ELMO1: variants seen among roughly 807,000 people sequenced by gnomAD.
The protein encoded by ELMO1 is engulfment and cell motility protein 1.
A neutral mutation model predicts 98.9 loss-of-function variants in ELMO1; 26 were observed. That is an observed-to-expected ratio of 0.26 (90% confidence interval 0.19 to 0.36). ELMO1 has a LOEUF of 0.36. Among genes scored for constraint, ELMO1 ranks in the 10% least tolerant of loss-of-function variants. The pLI is 1.00. For missense variants in ELMO1, 627 were observed against 935.2 expected (o/e 0.67, Z 4.30); for synonymous variants, 346 against 346.0 (o/e 1.00, Z 0.00).
chr7:37,141,013 C>T (rs1330560515), intron 13 of ELMO1, among the ~76,000 whole-genome samples: 1 of 152,126 alleles, frequency 6.6e-6, no homozygotes, highest in African/African-American at 2.4e-5. Context: ...CCATTTGATC[C>T]AGCAATCCCA....
At chr7:37,336,807 A>G (rs1278969153) in intron 2 of ELMO1, among the ~76,000 whole-genome samples, 2 of 152,218 alleles carry the variant, frequency 1.3e-5, no homozygotes, top group Admixed American at 6.5e-5. Flanking sequence ...TAAGCATGGA[A>G]CAACATAGAT....
At chr7:37,214,613 G>C (rs977482979) in intron 11 of ELMO1, among the ~76,000 whole-genome samples, 5 of 152,176 alleles carry the variant, frequency 3.3e-5, no homozygotes, top group African/African-American at 1.2e-4. Context: ...AAAGAGGACA[G>C]GGAGGAATGA....
At chr7:37,266,843 T>C (rs751204782) in intron 5 of ELMO1, among the ~76,000 whole-genome samples, 12 of 151,772 alleles carry the variant, frequency 7.9e-5, no homozygotes, top group Non-Finnish European at 1.2e-4. Flanking sequence ...GGAAACCCCA[T>C]CTCTACTAAA....
At chr7:37,161,904 A>AT (rs1789228083) in intron 13 of ELMO1, among the ~76,000 whole-genome samples, 2 of 72,886 alleles carry the variant, frequency 2.7e-5, no homozygotes, top group Non-Finnish European at 5.3e-5. Context: ...TCAGGTAATC[A>AT]AATATATATA....
chr7:37,285,012 T>C (rs1797320224), intron 4 of ELMO1, among the ~76,000 whole-genome samples: 2 of 152,198 alleles, frequency 1.3e-5, no homozygotes, highest in African/African-American at 4.8e-5. Flanking sequence ...CTGCTCTCCC[T>C]ACCAGGGACT....
intron 13 of ELMO1, among the ~76,000 whole-genome samples, chr7:37,203,797 G>A (rs1034721368): frequency 3.3e-5 from 5 of 152,102 alleles, no homozygotes; most frequent in Non-Finnish European, 5.9e-5. Flanking sequence ...TGAGAGTTCT[G>A]CTCATGGCTG....
intron 14 of ELMO1, among the ~76,000 whole-genome samples, chr7:37,120,598 A>T (rs1350170667): frequency 6.6e-6 from 1 of 152,198 alleles, no homozygotes; most frequent in East Asian, 1.9e-4. Flanking sequence ...GCCATTGCTG[A>T]GGCTTGAGTA....
intron 10 of ELMO1, among the ~76,000 whole-genome samples, chr7:37,218,965 G>T (rs1793444686): frequency 6.6e-6 from 1 of 152,216 alleles, no homozygotes; most frequent in Non-Finnish European, 1.5e-5. Flanking sequence ...ATTTGGAAGG[G>T]ATCTCACCAA....
chr7:37,131,625 T>TAGTA (rs1421124658), intron 14 of ELMO1, among the ~76,000 whole-genome samples: 4 of 152,330 alleles, frequency 2.6e-5, no homozygotes, highest in African/African-American at 9.6e-5. Context: ...CTCAAAAATA[T>TAGTA]TAATTTACTT....
At chr7:37,075,645 T>C (rs1206540518) in intron 15 of ELMO1, among the ~76,000 whole-genome samples, 2 of 152,152 alleles carry the variant, frequency 1.3e-5, no homozygotes, top group Non-Finnish European at 2.9e-5. Flanking sequence ...CTCCTTCTTA[T>C]ATGCACATAG....
At chr7:37,205,342 G>A (rs2130361101) in intron 13 of ELMO1, among the ~76,000 whole-genome samples, 1 of 152,268 alleles carries the variant, frequency 6.6e-6, no homozygotes, top group Middle Eastern at 3.4e-3. Context: ...TTGCCAACCA[G>A]TGAATATATA....
At chr7:37,011,898 A>G (rs2129171805) in intron 16 of ELMO1, among the ~76,000 whole-genome samples, 1 of 152,332 alleles carries the variant, frequency 6.6e-6, no homozygotes, top group South Asian at 2.1e-4. Flanking sequence ...AGTCTCTCAC[A>G]ATCAAGCGAA....
rs150538834 is a variant in ELMO1, at chr7:37,062,651, G to A, written c.1300+33968C>T. 5.2e-3 allele frequency among the ~76,000 whole-genome samples: 797 copies of A among 152,308 alleles called. 7 individuals carry two copies. Among genetic ancestry groups the A allele is most frequent in the African/African-American group, 0.019 (773 of 41,564 alleles). The stretch of plus-strand genomic sequence containing the variant: ...CTTATGTCACTTTAGCGTCACTGTT[G>A]ATGTGTTAAATGTACAAAAGCCAGG... On this transcript the variant is annotated intron_variant, in intron 15 of 21. Coordinates refer to ENST00000310758, the MANE Select transcript of ELMO1 (RefSeq NM_014800.11).
intron 15 of ELMO1, among the ~76,000 whole-genome samples, chr7:37,051,336 G>A (rs1182389933): frequency 6.6e-6 from 1 of 152,084 alleles, no homozygotes; most frequent in Non-Finnish European, 1.5e-5. Context: ...TCAATAAATG[G>A]GCTGCTTCTT....
intron 16 of ELMO1, among the ~76,000 whole-genome samples, chr7:37,006,464 C>G (rs1400594190): frequency 6.6e-6 from 1 of 152,208 alleles, no homozygotes; most frequent in African/African-American, 2.4e-5. Context: ...CAAGGTCACA[C>G]TGCTGTGAGG....
chr7:37,324,302 GT>G (rs1156569070), intron 2 of ELMO1, among the ~76,000 whole-genome samples: 2 of 152,122 alleles, frequency 1.3e-5, no homozygotes, highest in African/African-American at 2.4e-5. Flanking sequence ...CCCAGCCAAT[GT>G]GCCCACACAC....
intron 15 of ELMO1, among the ~76,000 whole-genome samples, chr7:37,054,401 G>C (rs143116221): frequency 5.5e-4 from 84 of 152,268 alleles, no homozygotes; most frequent in African/African-American, 1.9e-3. Context: ...GACATGGCCT[G>C]TATTTTCAAA....
chr7:37,000,682 C>T (rs1057053266), intron 16 of ELMO1, among the ~76,000 whole-genome samples: 1 of 152,114 alleles, frequency 6.6e-6, no homozygotes, highest in African/African-American at 2.4e-5. Flanking sequence ...AGTACCAGTC[C>T]CCTACATGGG....
At chr7:37,083,152 C>T (rs1287059055) in intron 15 of ELMO1, among the ~76,000 whole-genome samples, 2 of 152,190 alleles carry the variant, frequency 1.3e-5, no homozygotes, top group Non-Finnish European at 2.9e-5. Context: ...TCCAGGTCTT[C>T]TAATGCTTAA....
Sources: gnomAD v4.1 joint callset for allele counts (sites outside exome capture counted in the v4.1 genomes callset) on GRCh38, gnomAD v4.1.1 for gene constraint, MANE v1.5 for transcripts, NCBI Gene and HGNC (gene_info 2026-07-23, HGNC 2026-07-21) for gene names.